USP40: variants seen among roughly 807,000 people sequenced by gnomAD.
The protein encoded by USP40 is ubiquitin specific peptidase 40, also known as ubiquitin carboxyl-terminal hydrolase 40.
Under a neutral mutation model 166.2 loss-of-function variants are expected in USP40, and 143 were observed. That is an observed-to-expected ratio of 0.86 (90% CI 0.75 to 0.99). USP40 has a LOEUF of 0.99. Ranked by LOEUF, USP40 falls within the 50% of genes least tolerant of loss-of-function variation. USP40 has a pLI of 0.00. For missense variants in USP40, 1,444 were observed against 1,479.7 expected (o/e 0.98, Z 0.40); for synonymous variants, 498 against 524.0 (o/e 0.95, Z 0.68).
Position 233,480,804 on chromosome 2 carries a change from A to G in USP40, c.3599+399T>C, listed in dbSNP as rs1412856744. Among the ~76,000 whole-genome samples the G allele has an allele frequency of 1.3e-5, 2 of 152,016 alleles. No homozygotes were observed. The highest frequency in any genetic ancestry group is 1.5e-5 in the Non-Finnish European group (1 of 68,014). ...TCGGGAACCTTGGAGAGAGCGGGAG[A>G]AGGACAGGGAGCCCGCAGCAGGGCT... On this transcript the variant is annotated intron_variant, in intron 31 of 31. Transcript: ENST00000678225. This position sits in a 1 kb window ranked among gnomAD's most constrained non-coding sequence, Gnocchi z 4.5.
At chr2:233,502,063 A>G (rs948983659) in intron 21 of USP40, among the ~76,000 whole-genome samples, 1 of 152,208 alleles carries the variant, frequency 6.6e-6, no homozygotes, top group Non-Finnish European at 1.5e-5. Context: ...CATGAAGAGT[A>G]AAAACTGCTC....
At position 233,485,593 on chromosome 2, in the gene USP40, T is replaced by G. The variant is rs751699917; in HGVS notation, c.3442A>C (p.Lys1148Gln). Residue 1148 changes from lysine (K) to glutamine (Q), a missense_variant, in exon 30 of 32, where the codon AAA becomes CAA. Coordinates refer to ENST00000678225, the MANE Select transcript of USP40 (RefSeq NM_001365479.2). ...QQITKRKKKKKQDYLQGAPYY... is the reference protein window; with the variant it reads ...QQITKRKKKKQQDYLQGAPYY... ...GGTGCCCCTTGCAAATAATCTTGTT[T>G]TTTTTTCTTTTTCCTCTTGGTTATT... 1.6e-5 allele frequency: 26 copies of G among 1,613,826 alleles called. No individual in the cohort carries two copies. The African/African-American group carries it at 3.2e-4, about 20-fold the overall frequency.
At chr2:233,479,392 G>T (rs1481604662) in intron 31 of USP40, among the ~76,000 whole-genome samples, 1 of 152,052 alleles carries the variant, frequency 6.6e-6, no homozygotes, top group Non-Finnish European at 1.5e-5. Flanking sequence ...GTGAAACCTC[G>T]TCTCTACTAA....
chr2:233,483,031 T>C (rs1287593626), intron 30 of USP40, among the ~76,000 whole-genome samples: 2 of 152,256 alleles, frequency 1.3e-5, no homozygotes, highest in Admixed American at 1.3e-4. Context: ...GAAGATCTGC[T>C]GTCTATGCTG....
intron 25 of USP40, among the ~76,000 whole-genome samples, chr2:233,491,766 GTTTA>G (rs1156878777): frequency 6.6e-6 from 1 of 151,990 alleles, no homozygotes; most frequent in Non-Finnish European, 1.5e-5. Flanking sequence ...CCCAATAAAT[GTTTA>G]TTTATAAGGA....
chr2:233,511,862 C>G, intron 19 of USP40, 65 bp from the exon 20 acceptor site: 1 of 1,271,156 alleles, frequency 7.9e-7, no homozygotes, highest in East Asian at 2.6e-5. Context: ...AAAATAAATG[C>G]TGAAATCAGT....
At chr2:233,513,634 G>C (rs1177461056) in intron 18 of USP40, among the ~76,000 whole-genome samples, 1 of 152,150 alleles carries the variant, frequency 6.6e-6, no homozygotes, top group Non-Finnish European at 1.5e-5. Context: ...CTAAATGGTA[G>C]TAATGAAATT....
chr2:233,555,328 C>T (rs879358946), intron 5 of USP40, among the ~76,000 whole-genome samples: 1 of 152,178 alleles, frequency 6.6e-6, no homozygotes, highest in African/African-American at 2.4e-5. Context: ...TAAGCACTTA[C>T]AATTTGGCAA....
chr2:233,525,672 A>C, intron 13 of USP40, 110 bp from the exon 14 acceptor site: 1 of 719,834 alleles, frequency 1.4e-6, no homozygotes, highest in Non-Finnish European at 2.3e-6. Context: ...AGAGCAAGCA[A>C]ATGAATACTC....
chr2:233,494,932 ATATATATATATATATATATATATT>A (rs1171087321), intron 24 of USP40, among the ~76,000 whole-genome samples: 28 of 37,814 alleles, frequency 7.4e-4, no homozygotes, highest in African/African-American at 3.8e-3. Context: ...ATATATATAT[ATATATATATATATATATATATATT>A]TATATATATA....
intron 21 of USP40, among the ~76,000 whole-genome samples, chr2:233,501,832 AC>A (rs2066091144): frequency 6.6e-6 from 1 of 152,220 alleles, no homozygotes; most frequent in Non-Finnish European, 1.5e-5. Context: ...TGATTGTTAG[AC>A]AACCAAGTGG....
chr2:233,516,677 G>C (rs1321331911), intron 18 of USP40, among the ~76,000 whole-genome samples: 6 of 148,896 alleles, frequency 4.0e-5, no homozygotes, highest in Admixed American at 3.4e-4. Context: ...GACAGAGCGA[G>C]ACTCCATCTC....
intron 31 of USP40, among the ~76,000 whole-genome samples, chr2:233,478,552 C>T (rs1559206105): frequency 6.6e-6 from 1 of 152,212 alleles, no homozygotes; most frequent in Non-Finnish European, 1.5e-5. Flanking sequence ...ATGTTTACAG[C>T]CATACCCTCT....
At chr2:233,478,633 T>C (rs1006382845) in intron 31 of USP40, among the ~76,000 whole-genome samples, 6 of 152,190 alleles carry the variant, frequency 3.9e-5, no homozygotes, top group African/African-American at 1.4e-4. Flanking sequence ...ATGGTGAATA[T>C]ACAAGGTTAT....
chr2:233,526,715 G>C (rs958353886), intron 13 of USP40, among the ~76,000 whole-genome samples: 1 of 152,092 alleles, frequency 6.6e-6, no homozygotes, highest in African/African-American at 2.4e-5. Flanking sequence ...ATGAAGAGTA[G>C]GGAGAAGAGG....
intron 22 of USP40, 108 bp from the exon 23 acceptor site, chr2:233,498,720 A>C (rs2065887251): frequency 1.1e-6 from 1 of 870,258 alleles, no homozygotes; most frequent in African/African-American, 1.7e-5. Context: ...CTTCCTTTCC[A>C]GATAATAAAG....
intron 10 of USP40, 26 bp from the exon 11 acceptor site, chr2:233,533,805 C>T: frequency 1.3e-6 from 2 of 1,486,092 alleles, no homozygotes; most frequent in Non-Finnish European, 1.8e-6. Flanking sequence ...AAAAAAAATG[C>T]TAAGTTAATT....
At chr2:233,498,458 A>C in intron 23 of USP40, 90 bp downstream of exon 23, 1 of 1,159,296 alleles carries the variant, frequency 8.6e-7, no homozygotes. Context: ...AAAGTAATTA[A>C]AGCTTTCTCA....
In USP40 at chr2:233,480,245, C is replaced by T. The variant is rs115595037; in HGVS notation, c.3599+958G>A. Among the ~76,000 whole-genome samples, 1,553 of 152,270 alleles carry T rather than the reference C, an allele frequency of 0.01. 27 individuals carry two copies. Among genetic ancestry groups the T allele is most frequent in the African/African-American group, 0.035 (1,450 of 41,558 alleles). On this transcript the variant is annotated intron_variant, in intron 31 of 31. Coordinates refer to ENST00000678225, the MANE Select transcript of USP40 (RefSeq NM_001365479.2). This position sits in a 1 kb window ranked among gnomAD's most constrained non-coding sequence, Gnocchi z 4.5. ...GGCAGAAGAAGGGGATTAGGGTGAG[C>T]GGGGCCAGATCAGGCTCCTACAGTC...
Sources: allele counts gnomAD v4.1 joint callset (sites outside exome capture counted in the v4.1 genomes callset), GRCh38; gene constraint gnomAD v4.1.1; non-coding constraint Gnocchi (gnomAD v3.1); transcripts MANE v1.5; gene names NCBI Gene and HGNC (gene_info 2026-07-23, HGNC 2026-07-21).